Variants in SMARCD1 observed in about 807,000 individuals in gnomAD.
SMARCD1 encodes SWI/SNF related BAF chromatin remodeling complex subunit D1.
SMARCD1 carries 16 observed loss-of-function variants against 70.8 expected under a neutral mutation model. That is an observed-to-expected ratio of 0.23 (90% CI 0.15 to 0.34). The LOEUF is 0.34. Among genes scored for constraint, SMARCD1 ranks in the 10% least tolerant of loss-of-function variants. SMARCD1 has a pLI of 1.00. For missense variants in SMARCD1, 409 were observed against 655.5 expected (o/e 0.62, Z 4.11); for synonymous variants, 249 against 246.0 (o/e 1.01, Z -0.11).
chr12:50,091,077 C>G (rs1281641827), intron 9 of SMARCD1, among the ~76,000 whole-genome samples: 1 of 151,894 alleles, frequency 6.6e-6, no homozygotes, highest in African/African-American at 2.4e-5. Context: ...CGCCGAGCCT[C>G]GTGATCTGCC....
At position 50,085,418 on chromosome 12, in the gene SMARCD1, G is replaced by A. The variant is rs746992940; in HGVS notation, c.49G>A (p.Gly17Arg). The change falls in exon 1 of 13, where the codon GGA (glycine) becomes AGA (arginine). Residue 17 changes from glycine to arginine, a missense_variant. Gly to Arg is a moderately radical substitution (Grantham distance 125). Transcript: ENST00000394963. ...GTCTGTGGCTCCAAGCGGCGGCGCCGGAGCCTCAGGAGGGGCGGGCGCGGC... is the reference window on the plus strand; with the variant it reads ...GTCTGTGGCTCCAAGCGGCGGCGCCAGAGCCTCAGGAGGGGCGGGCGCGGC... ...FQSVAPSGGAGASGGAGAAAA... is the reference protein window; with the variant it reads ...FQSVAPSGGARASGGAGAAAA... 8.0e-7 allele frequency: 1 copy of A among 1,251,284 alleles called. No individual in the cohort carries two copies. Among genetic ancestry groups the A allele is most frequent in the African/African-American group, 1.5e-5 (1 of 64,990 alleles). The allele number at this position is 1,251,284 out of a possible 1,614,324, so 77.5% of individuals were successfully genotyped here.
At chr12:50,091,110 C>G (rs1185674464) in intron 9 of SMARCD1, among the ~76,000 whole-genome samples, 3 of 151,506 alleles carry the variant, frequency 2.0e-5, no homozygotes, top group African/African-American at 4.8e-5. Flanking sequence ...CCAAAGTGCT[C>G]GGATTACAGG....
intron 10 of SMARCD1, among the ~76,000 whole-genome samples, chr12:50,095,067 G>A (rs972135741): frequency 1.4e-4 from 22 of 152,220 alleles, no homozygotes; most frequent in African/African-American, 4.1e-4. Context: ...CAAAGTACTG[G>A]GATTACAGGC....
Position 50,088,568 on chromosome 12 carries a change from T to C in SMARCD1, c.702T>C (p.Ser234=). ...CCACTAAACAAAAGAGGAAGTTCTC[T>C]TCCTTTTTTAAGTCCTTGGTGATTG... ...YDATKQKRKF[S]SFFKSLVIEL... Residue 234 remains serine, a synonymous_variant, in exon 6 of 13, where the codon TCT becomes TCC. Coordinates refer to ENST00000394963, the MANE Select transcript of SMARCD1 (RefSeq NM_003076.5). 1 of 1,611,758 alleles carries C rather than the reference T, an allele frequency of 6.2e-7. No individual in the cohort carries two copies. The highest frequency in any genetic ancestry group is 8.5e-7 in the Non-Finnish European group (1 of 1,178,580).
chr12:50,093,272 G>A (rs1301010388), intron 9 of SMARCD1, among the ~76,000 whole-genome samples: 1 of 144,722 alleles, frequency 6.9e-6, no homozygotes, highest in Non-Finnish European at 1.5e-5. Context: ...CTCTGCAACC[G>A]CTGCCTCCCA....
intron 9 of SMARCD1, among the ~76,000 whole-genome samples, 200 bp from the exon 10 acceptor site, chr12:50,094,237 G>A (rs989486515): frequency 1.3e-5 from 2 of 152,160 alleles, no homozygotes; most frequent in African/African-American, 2.4e-5. Flanking sequence ...AATTGAAAGT[G>A]TAGTTTGAAG....
rs771210562 is a variant in SMARCD1 at position 50,086,354 on chromosome 12, A to G, written c.365+6A>G. 6.5e-5 allele frequency: 38 copies of G among 583,500 alleles called. No homozygotes were observed. The allele number at this position is 583,500 out of a possible 1,614,324, so 36.1% of individuals were successfully genotyped here. ...GTCCAAAATCGAAACCACAAGTAAG[A>G]TGATCCTGGGGCAGAGGGAGGGAGG... On this transcript the variant is annotated splice_donor_region_variant and intron_variant, in intron 2 of 12. Coordinates refer to ENST00000394963, the MANE Select transcript of SMARCD1 (RefSeq NM_003076.5).
intron 10 of SMARCD1, 71 bp downstream of exon 10, chr12:50,094,643 C>A: frequency 6.9e-7 from 1 of 1,457,630 alleles, no homozygotes; most frequent in Non-Finnish European, 9.5e-7. Flanking sequence ...CCTTTTGATT[C>A]TTAGTGTTCA....
chr12:50,090,364 G>A lies in SMARCD1; in HGVS notation c.997G>A (p.Glu333Lys), dbSNP rs778999277. 5 of 1,614,072 alleles carry A rather than the reference G, an allele frequency of 3.1e-6. No homozygotes were observed. Among genetic ancestry groups the A allele is most frequent in the South Asian group, 1.1e-5 (1 of 91,074 alleles). The change falls in exon 8 of 13, where the codon GAG (glutamate) becomes AAG (lysine). Residue 333 changes from glutamate (E) to lysine (K), a missense_variant. Physicochemically the swap from Glu to Lys is moderately conservative, Grantham distance 56. Coordinates refer to ENST00000394963, the MANE Select transcript of SMARCD1 (RefSeq NM_003076.5). ...GACACATAAGCTCCAGGACCCTCAC[G>A]AGCGGGAGTTTGTCATCTGTGACAA... ...IKTHKLQDPH[E>K]REFVICDKYL...
At chr12:50,087,544 T>C (rs1950802637) in intron 5 of SMARCD1, 59 bp downstream of exon 5, 1 of 1,589,276 alleles carries the variant, frequency 6.3e-7, no homozygotes, top group South Asian at 1.1e-5. Flanking sequence ...GAATGAACAG[T>C]GTTGTCTGGT....
At chr12:50,094,172 C>G (rs1365292422) in intron 9 of SMARCD1, among the ~76,000 whole-genome samples, 1 of 152,094 alleles carries the variant, frequency 6.6e-6, no homozygotes, top group African/African-American at 2.4e-5. Context: ...TTACCATTGA[C>G]TTTTTAAATA....
Position 50,086,779 on chromosome 12 carries a change from C to T in SMARCD1, c.432C>T (p.Ser144=). The T allele has an allele frequency of 6.2e-7, 1 of 1,613,956 alleles. No homozygotes were observed. The highest frequency in any genetic ancestry group is 8.5e-7 in the Non-Finnish European group (1 of 1,179,956). ...PQRIRELVPE[S]QAYMDLLAFE... ...AGATTCGTGAACTGGTACCAGAATCCCAGGCCTATATGGATCTCTTGGCTT... is the reference window on the plus strand; with the variant it reads ...AGATTCGTGAACTGGTACCAGAATCTCAGGCCTATATGGATCTCTTGGCTT... The change falls in exon 4 of 13, where the codon TCC becomes TCT. Residue 144 remains serine (S), a synonymous_variant. Coordinates refer to ENST00000394963, the MANE Select transcript of SMARCD1 (RefSeq NM_003076.5).
intron 9 of SMARCD1, among the ~76,000 whole-genome samples, chr12:50,090,861 G>T (rs1950836428): frequency 9.7e-6 from 1 of 103,070 alleles, no homozygotes; most frequent in African/African-American, 3.9e-5. Flanking sequence ...GTCTCACTCT[G>T]TTGCCCAGGC....
intron 9 of SMARCD1, among the ~76,000 whole-genome samples, chr12:50,091,999 A>C (rs554675680): frequency 6.6e-6 from 1 of 152,332 alleles, no homozygotes; most frequent in South Asian, 2.1e-4. Flanking sequence ...GGAAGGGCTC[A>C]GCAGCCATCT....
intron 9 of SMARCD1, 27 bp downstream of exon 9, chr12:50,090,617 T>G (rs764019875): frequency 6.4e-7 from 1 of 1,550,644 alleles, no homozygotes; most frequent in Admixed American, 1.7e-5. Context: ...GAGGCAGTGC[T>G]GTGCCGGAGC....
chr12:50,089,719 C>T (rs1348238164), intron 6 of SMARCD1, among the ~76,000 whole-genome samples, 165 bp from the exon 7 acceptor site: 2 of 152,214 alleles, frequency 1.3e-5, no homozygotes, highest in African/African-American at 2.4e-5. Context: ...TATACACAGA[C>T]AGTAATCCCA....
intron 11 of SMARCD1, 189 bp from the exon 12 acceptor site, chr12:50,098,521 CTAAT>C: frequency 1.7e-6 from 1 of 597,180 alleles, no homozygotes; most frequent in East Asian, 2.8e-5. Context: ...AGGGGGTACT[CTAAT>C]GACCTCATCT....
chr12:50,095,703 AGAAGACG>A, intron 10 of SMARCD1, among the ~76,000 whole-genome samples: 1 of 152,362 alleles, frequency 6.6e-6, no homozygotes, highest in East Asian at 1.9e-4. Flanking sequence ...CATAGGAGGC[AGAAGACG>A]TTCCAGAAAG....
intron 6 of SMARCD1, 167 bp downstream of exon 6, chr12:50,088,804 A>G (rs1275905643): frequency 2.4e-6 from 1 of 414,396 alleles, no homozygotes; most frequent in East Asian, 3.6e-5. Context: ...TGGCACTAGC[A>G]TGTTTAGTTA....
Sources: gnomAD v4.1 joint callset for allele counts (sites outside exome capture counted in the v4.1 genomes callset) on GRCh38, gnomAD v4.1.1 for gene constraint, MANE v1.5 for transcripts, NCBI Gene and HGNC (gene_info 2026-07-23, HGNC 2026-07-21) for gene names.